Variants in DCLK1 observed in about 807,000 individuals in gnomAD.
DCLK1 encodes serine/threonine-protein kinase DCLK1.
DCLK1 carries 16 observed loss-of-function variants against 86.2 expected under a neutral mutation model. That is an observed-to-expected ratio of 0.19 (90% confidence interval 0.13 to 0.28). The LOEUF (loss-of-function observed/expected upper bound fraction) is 0.28. Ranked by LOEUF, DCLK1 falls within the 10% of genes least tolerant of loss-of-function variation. The pLI, the probability that DCLK1 is intolerant of heterozygous loss-of-function variation, is 1.00. For missense variants in DCLK1, 590 were observed against 940.2 expected (o/e 0.63, Z 4.87); for synonymous variants, 369 against 370.5 (o/e 1.00, Z 0.05).
chr13:35,943,555 G>A (rs1158096968), intron 4 of DCLK1, among the ~76,000 whole-genome samples: 1 of 152,080 alleles, frequency 6.6e-6, no homozygotes, highest in Non-Finnish European at 1.5e-5. Context: ...ATGAAAGAGA[G>A]GATGACAGGT....
At chr13:35,818,413 A>G (rs2087317541) in intron 11 of DCLK1, among the ~76,000 whole-genome samples, 1 of 152,204 alleles carries the variant, frequency 6.6e-6, no homozygotes, top group South Asian at 2.1e-4. Context: ...GCGTGAAAAC[A>G]AGGACCATGA....
intron 5 of DCLK1, among the ~76,000 whole-genome samples, chr13:35,868,738 G>T (rs945029294): frequency 6.6e-6 from 1 of 152,094 alleles, no homozygotes; most frequent in African/African-American, 2.4e-5. Context: ...TTATGACTTT[G>T]TTCTCCTTTA....
At chr13:36,082,791 CA>C (rs143980620) in intron 3 of DCLK1, among the ~76,000 whole-genome samples, 2,325 of 152,262 alleles carry the variant, frequency 0.015, 20 homozygotes, top group Non-Finnish European at 0.026. Flanking sequence ...CTGGATTAGA[CA>C]AAAACCTGAG....
At chr13:36,059,758 T>G (rs1031801601) in intron 3 of DCLK1, among the ~76,000 whole-genome samples, 1 of 152,202 alleles carries the variant, frequency 6.6e-6, no homozygotes, top group Non-Finnish European at 1.5e-5. Context: ...TTGCTTATAT[T>G]GTTCTAACCC....
At chr13:36,130,598 C>A (rs1886328734) in intron 1 of DCLK1, among the ~76,000 whole-genome samples, 1 of 152,166 alleles carries the variant, frequency 6.6e-6, no homozygotes, top group Non-Finnish European at 1.5e-5. Flanking sequence ...ACTTGAGACC[C>A]TGCAAACGTA....
intron 15 of DCLK1, among the ~76,000 whole-genome samples, chr13:35,802,737 G>C (rs1399599698): frequency 6.6e-6 from 1 of 152,044 alleles, no homozygotes; most frequent in Non-Finnish European, 1.5e-5. Flanking sequence ...ACTTGCAAAG[G>C]ATGAGCTCTT....
At chr13:35,859,408 C>T (rs1333986723) in intron 5 of DCLK1, among the ~76,000 whole-genome samples, 1 of 152,180 alleles carries the variant, frequency 6.6e-6, no homozygotes, top group African/African-American at 2.4e-5. Context: ...TGCTCAACTT[C>T]AAAATGGATC....
At chr13:36,026,562 T>C (rs1038567706) in intron 3 of DCLK1, among the ~76,000 whole-genome samples, 9 of 152,226 alleles carry the variant, frequency 5.9e-5, no homozygotes, top group African/African-American at 2.2e-4. Flanking sequence ...ACTTAAATGA[T>C]TATTTGAAAT....
rs2086322401 is a variant in DCLK1 at position 35,771,027 on chromosome 13, T to C, written c.*3508A>G. 6.6e-6 allele frequency: 1 copy of C among 152,224 alleles called. No individual in the cohort carries two copies. The highest frequency in any genetic ancestry group is 6.5e-5 in the Admixed American group (1 of 15,286). The allele number at this position is 152,224 out of a possible 1,614,324, so 9.4% of individuals were successfully genotyped here. ...AGGGCTAAGAGCAACACAGTAATAT[T>C]AAGAAAGCTCTCCCTCAGCACGATT... On this transcript the variant is annotated 3_prime_UTR_variant, in exon 17 of 17. Coordinates refer to ENST00000360631, the MANE Select transcript of DCLK1 (RefSeq NM_001330071.2).
intron 15 of DCLK1, among the ~76,000 whole-genome samples, chr13:35,801,414 A>C (rs2153101057): frequency 6.6e-6 from 1 of 152,346 alleles, no homozygotes; most frequent in Admixed American, 6.5e-5. Context: ...TTCAAAAGTT[A>C]AGCACTCACT....
chr13:35,992,532 T>C (rs1404583740), intron 3 of DCLK1, among the ~76,000 whole-genome samples: 1 of 152,096 alleles, frequency 6.6e-6, no homozygotes, highest in Non-Finnish European at 1.5e-5. Context: ...TTTCTAACTT[T>C]GCACTGGAAA....
intron 4 of DCLK1, among the ~76,000 whole-genome samples, chr13:35,874,582 G>T (rs1056994712): frequency 3.3e-5 from 5 of 152,076 alleles, no homozygotes; most frequent in Non-Finnish European, 5.9e-5. Context: ...GTTCTGGCCT[G>T]CCCAGTGACC....
In DCLK1 at chr13:35,958,048, TCACCACTATAACCACTAGCACCACC is replaced by T. The variant is rs1593767484; in HGVS notation, c.724-10616_724-10592del. ...ACCACAACTACCACCACCACCACCA[TCACCACTATAACCACTAGCACCACC>T]ACCACTACTATAACCATCACCACCG... On this transcript the variant is annotated intron_variant, in intron 3 of 16. Coordinates refer to ENST00000360631, the MANE Select transcript of DCLK1 (RefSeq NM_001330071.2). Among the ~76,000 whole-genome samples the T allele has an allele frequency of 2.7e-4, 3 of 11,236 alleles. No homozygotes were observed. The East Asian group carries it at 7.5e-3, about 28-fold the overall frequency. The allele number at this position is 11,236 out of a possible 152,430, so 7.4% of individuals were successfully genotyped here. A position where few individuals can be genotyped will look rare whatever the true frequency, so the allele number is the denominator to read the frequency against.
intron 3 of DCLK1, among the ~76,000 whole-genome samples, chr13:36,071,254 T>C (rs1014165590): frequency 6.6e-6 from 1 of 152,148 alleles, no homozygotes; most frequent in African/African-American, 2.4e-5. Flanking sequence ...CTAAGATTTC[T>C]CTTTTCTTAG....
intron 3 of DCLK1, among the ~76,000 whole-genome samples, chr13:35,993,449 A>G (rs1048533706): frequency 2.6e-5 from 4 of 152,176 alleles, no homozygotes; most frequent in African/African-American, 9.6e-5. Context: ...TTCCTCCAAC[A>G]GCCACCAAAA....
intron 4 of DCLK1, among the ~76,000 whole-genome samples, chr13:35,886,002 G>A (rs1175333682): frequency 6.9e-6 from 1 of 144,438 alleles, no homozygotes; most frequent in East Asian, 2.1e-4. Context: ...AGGCTGAATA[G>A]GTTCCTTTTT....
chr13:35,807,791 A>C (rs932043457), intron 14 of DCLK1, among the ~76,000 whole-genome samples: 5 of 152,230 alleles, frequency 3.3e-5, no homozygotes, highest in Non-Finnish European at 7.3e-5. Flanking sequence ...TAAAACAGAC[A>C]AGTAGGATAC....
chr13:35,857,883 A>G (rs1871160404), intron 5 of DCLK1, among the ~76,000 whole-genome samples: 1 of 152,194 alleles, frequency 6.6e-6, no homozygotes, highest in African/African-American at 2.4e-5. Flanking sequence ...TAAATAACTA[A>G]GTAAAGCAAG....
chr13:36,030,486 T>A (rs1175308081), intron 3 of DCLK1, among the ~76,000 whole-genome samples: 6 of 88,630 alleles, frequency 6.8e-5, no homozygotes, highest in African/African-American at 1.3e-4. Context: ...TTTTTTTTTT[T>A]AGTAGAGATG....
Sources: gnomAD v4.1 joint callset for allele counts (sites outside exome capture counted in the v4.1 genomes callset) on GRCh38, gnomAD v4.1.1 for gene constraint, MANE v1.5 for transcripts, NCBI Gene and HGNC (gene_info 2026-07-23, HGNC 2026-07-21) for gene names.